Variants in GABRA2 observed in about 807,000 individuals in gnomAD.
The protein encoded by GABRA2 is gamma-aminobutyric acid type A receptor subunit alpha2.
In GABRA2, 16 loss-of-function variants were observed where a neutral mutation model predicts 48.7. The observed-to-expected ratio is 0.33, with a 90% CI of 0.22 to 0.50. GABRA2 has a LOEUF of 0.50. GABRA2 is among the 20% of genes least tolerant of loss of function. The pLI is 0.98. For missense variants in GABRA2, 275 were observed against 535.6 expected (o/e 0.51, Z 4.80); for synonymous variants, 185 against 184.5 (o/e 1.00, Z -0.02).
chr4:46,263,912 T>TTCTCTCTCTC (rs3068324), intron 8 of GABRA2, among the ~76,000 whole-genome samples: 128 of 145,078 alleles, frequency 8.8e-4, no homozygotes, highest in African/African-American at 3.0e-3. Flanking sequence ...ATTAGATCAA[T>TTCTCTCTCTC]TCTCTCTCTC....
chr4:46,262,853 C>A (rs1053604360), intron 8 of GABRA2, among the ~76,000 whole-genome samples: 1 of 150,464 alleles, frequency 6.6e-6, no homozygotes, highest in Non-Finnish European at 1.5e-5. Flanking sequence ...ACCGAGATCA[C>A]GATGCTACAC....
chr4:46,303,330 T>C, intron 8 of GABRA2, 130 bp downstream of exon 8: 1 of 846,130 alleles, frequency 1.2e-6, no homozygotes, highest in South Asian at 1.5e-5. Flanking sequence ...CTTCTTCACC[T>C]ATAAGGCAAA....
At chr4:46,290,087 A>AT (rs200118144) in intron 8 of GABRA2, among the ~76,000 whole-genome samples, 4,287 of 144,018 alleles carry the variant, frequency 0.03, 91 homozygotes, top group Admixed American at 0.04. Flanking sequence ...CATTTTTTGT[A>AT]TTTTTTTTTT....
At chr4:46,303,211 G>A (rs967823892) in intron 8 of GABRA2, 3 of 460,748 alleles carry the variant, frequency 6.5e-6, no homozygotes, top group African/African-American at 4.0e-5. Flanking sequence ...TTGAACAGCA[G>A]TATGATTTAA....
At position 46,245,996 on chromosome 4, in the gene GABRA2, A is replaced by C. The variant is rs547292004; in HGVS notation, c.*4312T>G. Among the ~76,000 whole-genome samples, 1 of 151,302 alleles carries C rather than the reference A, an allele frequency of 6.6e-6. No homozygotes were observed. The highest frequency in any genetic ancestry group is 2.1e-4 in the South Asian group (1 of 4,818). ...GATAATTAAGAATTTTAGCAAAAAA[A>C]CAAAATTATGATATATAATATTTAT... On this transcript the variant is annotated 3_prime_UTR_variant, in exon 10 of 10. Coordinates refer to ENST00000381620, the MANE Select transcript of GABRA2 (RefSeq NM_000807.4).
rs1713368532 is a variant in GABRA2 at position 46,244,641 on chromosome 4, G to A, written c.*5667C>T. 6.6e-6 allele frequency among the ~76,000 whole-genome samples: 1 copy of A among 151,220 alleles called. No homozygotes were observed. Among genetic ancestry groups the A allele is most frequent in the South Asian group, 2.1e-4 (1 of 4,814 alleles). Reference sequence around the variant, plus strand: ...TTAAATGTTATGAAACGAACAATATGACAAATGAAAACACATCTCTCCAAC... The same window carrying A: ...TTAAATGTTATGAAACGAACAATATAACAAATGAAAACACATCTCTCCAAC... On this transcript the variant is annotated 3_prime_UTR_variant, in exon 10 of 10. Coordinates refer to ENST00000381620, the MANE Select transcript of GABRA2 (RefSeq NM_000807.4).
At chr4:46,366,120 A>G (rs1305228850) in intron 3 of GABRA2, 4 of 152,128 alleles carry the variant, frequency 2.6e-5, no homozygotes, top group African/African-American at 4.8e-5. Context: ...ATTCTCCAGC[A>G]TAATAATACC....
chr4:46,377,409 C>T (rs1486529483), intron 3 of GABRA2, among the ~76,000 whole-genome samples: 4 of 151,110 alleles, frequency 2.6e-5, no homozygotes, highest in South Asian at 4.2e-4. Context: ...ATGTGAGGAG[C>T]GTCTCTGCCC....
chr4:46,314,825 C>T (rs1193359755), intron 4 of GABRA2, among the ~76,000 whole-genome samples: 1 of 152,078 alleles, frequency 6.6e-6, no homozygotes, highest in Non-Finnish European at 1.5e-5. Flanking sequence ...ATTTTGTTCT[C>T]TTTTAAGGCT....
rs1489212643 is a variant in GABRA2 at position 46,247,555 on chromosome 4, T to C, written c.*2753A>G. Among the ~76,000 whole-genome samples, 1 of 151,232 alleles carries C rather than the reference T, an allele frequency of 6.6e-6. No homozygotes were observed. Among genetic ancestry groups the C allele is most frequent in the Admixed American group, 6.6e-5 (1 of 15,112 alleles). ...AAAATAATGAGATTATATCTCTATA[T>C]ATGTACATGTATTTATCTACATTTT... is the stretch of plus-strand genomic sequence containing the variant. On this transcript the variant is annotated 3_prime_UTR_variant, in exon 10 of 10. Transcript: ENST00000381620.
At position 46,247,147 on chromosome 4, in the gene GABRA2, A is replaced by G. The variant is rs939219817; in HGVS notation, c.*3161T>C. ...CAAACCTGAGATAAATTCAAAATAG[A>G]GAGATACCTGAAAAGATTTCTAAAC... On this transcript the variant is annotated 3_prime_UTR_variant, in exon 10 of 10. Coordinates refer to ENST00000381620, the MANE Select transcript of GABRA2 (RefSeq NM_000807.4). Among the ~76,000 whole-genome samples the G allele has an allele frequency of 6.6e-6, 1 of 151,418 alleles. No homozygotes were observed. The highest frequency in any genetic ancestry group is 6.6e-5 in the Admixed American group (1 of 15,118).
intron 3 of GABRA2, among the ~76,000 whole-genome samples, chr4:46,382,188 A>G (rs867928035): frequency 6.9e-6 from 1 of 144,892 alleles, no homozygotes; most frequent in South Asian, 2.1e-4. Context: ...ACACACACAC[A>G]CACACATATA....
intron 3 of GABRA2, among the ~76,000 whole-genome samples, chr4:46,383,638 C>T (rs1260256334): frequency 1.3e-5 from 2 of 152,080 alleles, no homozygotes; most frequent in Non-Finnish European, 2.9e-5. Flanking sequence ...TACCAGGAGA[C>T]ATAGTGCCAG....
intron 3 of GABRA2, among the ~76,000 whole-genome samples, chr4:46,363,414 A>T (rs982802545): frequency 2.0e-5 from 3 of 152,148 alleles, no homozygotes; most frequent in Non-Finnish European, 4.4e-5. Flanking sequence ...GAGCACCAAG[A>T]ATAAAAACGA....
At chr4:46,315,555 T>C (rs1052956411) in intron 4 of GABRA2, among the ~76,000 whole-genome samples, 1 of 151,932 alleles carries the variant, frequency 6.6e-6, no homozygotes, top group Non-Finnish European at 1.5e-5. Context: ...GTTCTCCACC[T>C]GCCTCAGTCC....
chr4:46,267,804 C>T (rs766306343), intron 8 of GABRA2, among the ~76,000 whole-genome samples: 16 of 151,940 alleles, frequency 1.1e-4, no homozygotes, highest in East Asian at 1.9e-4. Flanking sequence ...AACAGAATGA[C>T]GATCCCTCAG....
intron 3 of GABRA2, among the ~76,000 whole-genome samples, chr4:46,376,979 C>T (rs1289624912): frequency 1.3e-5 from 2 of 152,164 alleles, no homozygotes; most frequent in Non-Finnish European, 2.9e-5. Context: ...GCAAGTGATC[C>T]ACCAGCCTCG....
intron 5 of GABRA2, 55 bp downstream of exon 5, chr4:46,312,441 A>T: frequency 8.3e-7 from 1 of 1,202,198 alleles, no homozygotes; most frequent in Non-Finnish European, 1.2e-6. Context: ...CTGGTTGTTT[A>T]ATACATGAAA....
intron 4 of GABRA2, among the ~76,000 whole-genome samples, chr4:46,317,315 C>A (rs184932241): frequency 6.6e-6 from 1 of 151,562 alleles, no homozygotes. Context: ...CTTAGGACAG[C>A]GGCTTACAAA....
Sources: allele counts gnomAD v4.1 joint callset (sites outside exome capture counted in the v4.1 genomes callset), GRCh38; gene constraint gnomAD v4.1.1; transcripts MANE v1.5; gene names NCBI Gene and HGNC (gene_info 2026-07-23, HGNC 2026-07-21).